The following CR1 variants were observed in gnomAD, a reference collection of about 807,000 sequenced individuals.
CR1 encodes the protein complement C3b/C4b receptor 1 (Knops blood group), also known as complement receptor type 1.
In CR1, 116 loss-of-function variants were observed where a neutral mutation model predicts 187.3. The ratio of observed to expected loss-of-function variants is 0.62; its 90% CI spans 0.53 to 0.72. The LOEUF (loss-of-function observed/expected upper bound fraction) is 0.72, where lower values mean the gene tolerates loss of function less well. CR1 is among the 30% of genes least tolerant of loss of function. The pLI is 0.00. For missense variants in CR1, 1,731 were observed against 2,110.7 expected (o/e 0.82, Z 3.52); for synonymous variants, 576 against 747.1 (o/e 0.77, Z 3.73).
At chr1:207,623,988 C>T (rs935120315) in intron 45 of CR1, among the ~76,000 whole-genome samples, 4 of 130,956 alleles carry the variant, frequency 3.1e-5, no homozygotes, top group Middle Eastern at 5.5e-3. Flanking sequence ...TGCAGTGGCA[C>T]GATCTTGGCT....
chr1:207,630,900 G>C (rs570992746), intron 46 of CR1, among the ~76,000 whole-genome samples: 1 of 152,246 alleles, frequency 6.6e-6, no homozygotes, highest in Non-Finnish European at 1.5e-5. Flanking sequence ...TTGAGAAGTA[G>C]TATGCTTTTT....
chr1:207,580,485 TC>T, intron 30 of CR1, 25 bp from the exon 31 acceptor site: 1 of 1,592,186 alleles, frequency 6.3e-7, no homozygotes, highest in Non-Finnish European at 8.5e-7. Flanking sequence ...TCCTATTTTT[TC>T]TTTTTTTTTT....
chr1:207,564,574 G>A (rs1571535541), intron 23 of CR1, among the ~76,000 whole-genome samples: 1 of 150,120 alleles, frequency 6.7e-6, no homozygotes, highest in Non-Finnish European at 1.5e-5. Flanking sequence ...GTTGAGGCAG[G>A]CAGATCACCT....
intron 23 of CR1, among the ~76,000 whole-genome samples, chr1:207,565,351 T>A (rs1660459778): frequency 6.6e-6 from 1 of 150,484 alleles, no homozygotes; most frequent in South Asian, 2.1e-4. Context: ...ACTGCCCTTT[T>A]GAGCCTTCTT....
chr1:207,566,272 CCTT>C (rs1490320699), intron 24 of CR1, among the ~76,000 whole-genome samples: 1 of 149,206 alleles, frequency 6.7e-6, no homozygotes, highest in East Asian at 1.9e-4. Context: ...TTCTTTCTTC[CCTT>C]CTTCTCTCCT....
At chr1:207,523,488 T>C in intron 4 of CR1, 123 bp from the exon 5 acceptor site, 2 of 1,482,958 alleles carry the variant, frequency 1.3e-6, no homozygotes, top group Middle Eastern at 2.4e-4. Context: ...AATGTACCTA[T>C]GTGTTAGCAA....
intron 39 of CR1, 134 bp downstream of exon 39, chr1:207,612,175 T>A (rs897701666): frequency 8.1e-6 from 8 of 989,670 alleles, no homozygotes; most frequent in Non-Finnish European, 9.1e-6. Context: ...GGAAGGGTAG[T>A]TTTGAAATAA....
At chr1:207,507,107 T>C (rs1659463298) in intron 3 of CR1, 1 of 283,788 alleles carries the variant, frequency 3.5e-6, no homozygotes, top group Non-Finnish European at 6.6e-6. Context: ...ACAAACAGCC[T>C]TAACGCAGAG....
intron 29 of CR1, 115 bp downstream of exon 29, chr1:207,578,318 G>T: frequency 6.3e-7 from 1 of 1,580,806 alleles, no homozygotes; most frequent in Non-Finnish European, 8.6e-7. Flanking sequence ...GGGAAAGTAA[G>T]TTTTGGGGGA....
chr1:207,600,450 A>G (rs1329901494), intron 35 of CR1, among the ~76,000 whole-genome samples: 6 of 152,208 alleles, frequency 3.9e-5, no homozygotes, highest in Non-Finnish European at 7.4e-5. Flanking sequence ...TCCACAGAGT[A>G]TACCTCAATA....
intron 24 of CR1, among the ~76,000 whole-genome samples, chr1:207,567,410 T>C (rs1448960210): frequency 1.3e-5 from 2 of 150,220 alleles, no homozygotes. Context: ...CATATATACA[T>C]TTGAGAAATA....
intron 24 of CR1, among the ~76,000 whole-genome samples, chr1:207,567,495 G>GCT (rs761039767): frequency 6.7e-6 from 1 of 150,168 alleles, no homozygotes; most frequent in Non-Finnish European, 1.5e-5. Flanking sequence ...CAGGATAAGT[G>GCT]CTCAATTAAT....
chr1:207,580,135 A>G, intron 29 of CR1, 105 bp from the exon 30 acceptor site: 1 of 1,495,546 alleles, frequency 6.7e-7, no homozygotes, highest in South Asian at 1.3e-5. Flanking sequence ...TGTGCTAGGG[A>G]GAATTGGGTT....
intron 35 of CR1, among the ~76,000 whole-genome samples, chr1:207,590,818 T>A (rs558661419): frequency 3.3e-5 from 5 of 152,258 alleles, no homozygotes; most frequent in Admixed American, 6.5e-5. Context: ...AGTCCTAGTC[T>A]CTGATAAAAC....
At chr1:207,501,662 G>C (rs1237345764) in intron 1 of CR1, among the ~76,000 whole-genome samples, 4 of 152,088 alleles carry the variant, frequency 2.6e-5, no homozygotes, top group Non-Finnish European at 4.4e-5. Flanking sequence ...TAAGGGGAAG[G>C]AACTTCTTTC....
intron 1 of CR1, among the ~76,000 whole-genome samples, chr1:207,500,394 G>A (rs1369394645): frequency 1.3e-5 from 2 of 152,200 alleles, no homozygotes. Flanking sequence ...TAAAGGGTAA[G>A]TATGCAGAAT....
At chr1:207,524,090 G>T in intron 5 of CR1, 81 bp downstream of exon 5, 1 of 1,611,236 alleles carries the variant, frequency 6.2e-7, no homozygotes, top group Admixed American at 1.7e-5. Flanking sequence ...TTGTTCAGGG[G>T]GAGGGATGTG....
At chr1:207,617,893 G>A (rs55647067) in intron 41 of CR1, among the ~76,000 whole-genome samples, 178 bp from the exon 42 acceptor site, 2 of 152,010 alleles carry the variant, frequency 1.3e-5, no homozygotes, top group African/African-American at 4.8e-5. Flanking sequence ...ATGTCAAGAG[G>A]TCTAGGTTTA....
At chr1:207,568,086 T>C (rs1267263179) in intron 25 of CR1, 44 bp downstream of exon 25, 2 of 1,610,542 alleles carry the variant, frequency 1.2e-6, no homozygotes, top group Non-Finnish European at 1.7e-6. Flanking sequence ...TCAGAATATC[T>C]AACCCAGCCC....
Sources: gnomAD v4.1 joint callset for allele counts (sites outside exome capture counted in the v4.1 genomes callset) on GRCh38, gnomAD v4.1.1 for gene constraint, MANE v1.5 for transcripts, NCBI Gene and HGNC (gene_info 2026-07-23, HGNC 2026-07-21) for gene names.